ZFHX3: variants seen among roughly 807,000 people sequenced by gnomAD.
The protein encoded by ZFHX3 is zinc finger homeobox protein 3.
A neutral mutation model predicts 279.1 loss-of-function variants in ZFHX3; 42 were observed. The observed-to-expected ratio is 0.15, with a 90% CI of 0.12 to 0.19. The LOEUF is 0.19. Ranked by LOEUF, ZFHX3 falls within the 10% of genes least tolerant of loss-of-function variation. The pLI, the probability that ZFHX3 is intolerant of heterozygous loss-of-function variation, is 1.00. For missense variants in ZFHX3, 4,981 were observed against 4,754.0 expected, an observed-to-expected ratio of 1.05 and a Z score of -1.40; for synonymous variants, 2,293 against 1,957.8, an observed-to-expected ratio of 1.17 and a Z score of -4.52.
At chr16:73,266,673 G>C (rs576533138) in intron 4 of ZFHX3, among the ~76,000 whole-genome samples, 5 of 152,322 alleles carry the variant, frequency 3.3e-5, no homozygotes, top group African/African-American at 9.6e-5. Context: ...TGTCATAGGA[G>C]GGAACTGGTG....
At chr16:73,874,491 G>A (rs1487472815) in intron 1 of ZFHX3, among the ~76,000 whole-genome samples, 1 of 152,146 alleles carries the variant, frequency 6.6e-6, no homozygotes, top group Admixed American at 6.5e-5. Context: ...ACAAGACTCT[G>A]TTCTGACATT....
intron 2 of ZFHX3, among the ~76,000 whole-genome samples, chr16:73,633,972 C>A (rs1000083570): frequency 1.3e-5 from 2 of 151,168 alleles, no homozygotes; most frequent in Non-Finnish European, 2.9e-5. Flanking sequence ...ATTTAAAATA[C>A]CCTAAATGTA....
At chr16:72,967,654 C>T (rs111994235) in intron 1 of ZFHX3, among the ~76,000 whole-genome samples, 32 of 151,970 alleles carry the variant, frequency 2.1e-4, no homozygotes, top group African/African-American at 6.5e-4. Flanking sequence ...CGGTGGCTCA[C>T]GCCTGTAATC....
intron 2 of ZFHX3, among the ~76,000 whole-genome samples, chr16:73,593,630 GA>G (rs1048783732): frequency 1.7e-4 from 26 of 151,410 alleles, no homozygotes; most frequent in Non-Finnish European, 3.2e-4. Context: ...GGAAGTGAAG[GA>G]AAAAAGAAGG....
chr16:73,519,485 C>T (rs1161968969), intron 2 of ZFHX3, among the ~76,000 whole-genome samples: 1 of 152,150 alleles, frequency 6.6e-6, no homozygotes, highest in Non-Finnish European at 1.5e-5. Flanking sequence ...GATTCATTCT[C>T]ATCCATAAGT....
At chr16:73,687,051 T>C (rs1403641040) in intron 1 of ZFHX3, among the ~76,000 whole-genome samples, 3 of 112,114 alleles carry the variant, frequency 2.7e-5, no homozygotes, top group East Asian at 5.7e-4. Flanking sequence ...TATATATATA[T>C]ATATATATAT....
intron 5 of ZFHX3, among the ~76,000 whole-genome samples, chr16:73,243,768 A>G (rs920966482): frequency 1.3e-5 from 2 of 148,972 alleles, no homozygotes; most frequent in African/African-American, 5.1e-5. Flanking sequence ...GTGTGTGTGT[A>G]TAGTCTGTTC....
chr16:72,921,069 C>CAAAAAAAAAAAAAA (rs57294537), intron 3 of ZFHX3, among the ~76,000 whole-genome samples: 1 of 23,572 alleles, frequency 4.2e-5, no homozygotes, highest in African/African-American at 1.4e-4. Flanking sequence ...CAGACCTTGT[C>CAAAAAAAAAAAAAA]AAAAAAAAAA....
At chr16:73,418,090 T>C (rs1036795284) in intron 3 of ZFHX3, among the ~76,000 whole-genome samples, 2 of 151,684 alleles carry the variant, frequency 1.3e-5, no homozygotes, top group African/African-American at 4.8e-5. Flanking sequence ...CAGCTGACCA[T>C]TCCTTCTAGA....
chr16:73,048,598 CG>C (rs1268726767), upstream of ZFHX3, among the ~76,000 whole-genome samples: 1 of 152,226 alleles, frequency 6.6e-6, no homozygotes, highest in Non-Finnish European at 1.5e-5. Context: ...GAAAGGGACG[CG>C]CCCTCGGCCA....
chr16:73,406,243 G>A (rs183062852), intron 3 of ZFHX3, among the ~76,000 whole-genome samples: 43 of 152,352 alleles, frequency 2.8e-4, no homozygotes, highest in Non-Finnish European at 5.6e-4. Flanking sequence ...AAGCATTTCT[G>A]GTTGTGGACG....
At chr16:73,814,096 A>G (rs572435874) in intron 1 of ZFHX3, among the ~76,000 whole-genome samples, 28 of 152,338 alleles carry the variant, frequency 1.8e-4, no homozygotes, top group African/African-American at 6.7e-4. Context: ...AAAAATGTAT[A>G]TAATTGCAGA....
chr16:73,813,388 C>T (rs373054736), intron 1 of ZFHX3, among the ~76,000 whole-genome samples: 4 of 151,916 alleles, frequency 2.6e-5, no homozygotes, highest in African/African-American at 9.7e-5. Flanking sequence ...GGGGGCCTCT[C>T]TCAACTCTGG....
intron 4 of ZFHX3, among the ~76,000 whole-genome samples, chr16:73,287,517 T>G (rs1298230553): frequency 7.1e-6 from 1 of 141,160 alleles, no homozygotes. Context: ...GGGTGATGTG[T>G]GCATGTGTGG....
At chr16:73,386,830 C>A (rs148516845) in intron 3 of ZFHX3, 2 of 152,074 alleles carry the variant, frequency 1.3e-5, no homozygotes, top group African/African-American at 4.8e-5. Flanking sequence ...TGATGGGCTA[C>A]CTGGAACTGG....
Position 73,670,843 on chromosome 16 carries a change from C to T in ZFHX3, c.-1547+9337G>A, listed in dbSNP as rs184523572. ...ATTCAACAAAGTAAAGAGTAGCATC[C>T]AGCCAGGCAAAGTATGCTAATAAGG... On this transcript the variant is annotated intron_variant, in intron 2 of 17. Coordinates refer to the ZFHX3 transcript ENST00000641206. Among the ~76,000 whole-genome samples the T allele has an allele frequency of 3.6e-3, 548 of 152,266 alleles. 2 individuals carry two copies. Among genetic ancestry groups the T allele is most frequent in the Non-Finnish European group, 6.8e-3 (461 of 68,016 alleles).
intron 3 of ZFHX3, among the ~76,000 whole-genome samples, chr16:73,326,916 T>G (rs1239134325): frequency 6.6e-6 from 1 of 152,184 alleles, no homozygotes; most frequent in Non-Finnish European, 1.5e-5. Flanking sequence ...CGCATCAAAG[T>G]CCATATTATG....
At chr16:73,378,767 C>A (rs1358436843) in intron 3 of ZFHX3, among the ~76,000 whole-genome samples, 1 of 152,156 alleles carries the variant, frequency 6.6e-6, no homozygotes, top group East Asian at 1.9e-4. Flanking sequence ...GCTCTCATCT[C>A]AGAATTTTCT....
intron 1 of ZFHX3, among the ~76,000 whole-genome samples, chr16:73,884,473 G>A (rs2030282227): frequency 6.6e-6 from 1 of 152,142 alleles, no homozygotes; most frequent in Admixed American, 6.5e-5. Flanking sequence ...GACTTGGTTG[G>A]AGCTGTTAAC....
Sources: gnomAD v4.1 joint callset for allele counts (sites outside exome capture counted in the v4.1 genomes callset) on GRCh38, gnomAD v4.1.1 for gene constraint, MANE v1.5 for transcripts, NCBI Gene and HGNC (gene_info 2026-07-23, HGNC 2026-07-21) for gene names.